Variants in TNFSF15 observed in about 807,000 individuals in gnomAD.
TNFSF15 encodes TNF superfamily member 15.
In TNFSF15, 15 loss-of-function variants were observed where a neutral mutation model predicts 26.4. The observed-to-expected ratio is 0.57, with a 90% confidence interval of 0.38 to 0.87. TNFSF15 has a LOEUF of 0.87. TNFSF15 is among the 40% of genes least tolerant of loss of function. The pLI, the probability that TNFSF15 is intolerant of heterozygous loss-of-function variation, is 0.00. For synonymous variants in TNFSF15, 116 were observed against 115.0 expected (o/e 1.01, Z -0.06); for missense variants, 290 against 306.1 (o/e 0.95, Z 0.39).
At position 114,793,520 on chromosome 9, in the gene TNFSF15, A is replaced by G. The variant is rs760345263; in HGVS notation, c.253+6T>C. ...GAGGAAAGGCGTTGAAGATGAGCAT[A>G]CTTACAAACTTGCTGATGTGAAGGT... On this transcript the variant is annotated splice_donor_region_variant and intron_variant, in intron 2 of 3. Transcript: ENST00000374045. The G allele has an allele frequency of 1.2e-6, 2 of 1,613,680 alleles. No homozygotes were observed. The highest frequency in any genetic ancestry group is 2.7e-5 in the African/African-American group (2 of 74,906).
chr9:114,798,196 A>G (rs1829696829), intron 1 of TNFSF15, among the ~76,000 whole-genome samples: 1 of 152,210 alleles, frequency 6.6e-6, no homozygotes, highest in Non-Finnish European at 1.5e-5. Context: ...AGGCTTAGCC[A>G]GGAGCCAGAG....
At chr9:114,802,030 T>C (rs1829755552) in intron 1 of TNFSF15, among the ~76,000 whole-genome samples, 1 of 152,230 alleles carries the variant, frequency 6.6e-6, no homozygotes, top group Admixed American at 6.5e-5. Flanking sequence ...TTATATATGC[T>C]GTTAACGCAC....
chr9:114,790,634 T>C lies in TNFSF15; in HGVS notation c.574A>G (p.Thr192Ala). ...TKVTDSYPEP[T>A]QLLMGTKSVC... Reference sequence around the variant, plus strand: ...GACTTGGTCCCCATGAGGAGCTGGGTTGGCTCAGGGTAGCTGTCTGTTACC... The same window carrying C: ...GACTTGGTCCCCATGAGGAGCTGGGCTGGCTCAGGGTAGCTGTCTGTTACC... Residue 192 changes from threonine to alanine, a missense_variant, in exon 4 of 4, where the codon ACC becomes GCC. By Grantham distance (58) the Thr-to-Ala change is moderately conservative (BLOSUM62 0). This residue lies in a region of TNFSF15 where 102 missense variants were observed against 114.7 expected (regional missense o/e 0.89). Transcript: ENST00000374045. 1.2e-6 allele frequency: 2 copies of C among 1,614,072 alleles called. No homozygotes were observed. Among genetic ancestry groups the C allele is most frequent in the Non-Finnish European group, 1.7e-6 (2 of 1,180,002 alleles).
chr9:114,786,484 T>G lies in TNFSF15; in HGVS notation c.*3968A>C, dbSNP rs1418484925. ...ACCAGCACAGAGGCGGAATTTCCTC[T>G]GGGGTGATGAGAACTGAATAGTTTA... On this transcript the variant is annotated 3_prime_UTR_variant, in exon 4 of 4. Transcript: ENST00000374045. 6.6e-6 allele frequency: 1 copy of G among 152,194 alleles called. No homozygotes were observed. 9.4% of individuals were successfully genotyped at this position (152,194 alleles called of 1,614,324 possible).
At position 114,790,308 on chromosome 9, in the gene TNFSF15, C is replaced by T; in HGVS notation, c.*144G>A. ...ACATGAAGTGTGAAATTTTGGGCCC[C>T]AAATTTCATAGCTAAACCGTTGTCC... On this transcript the variant is annotated 3_prime_UTR_variant, in exon 4 of 4. Coordinates refer to ENST00000374045, the MANE Select transcript of TNFSF15 (RefSeq NM_005118.4). The T allele has an allele frequency of 2.4e-6, 2 of 828,328 alleles. No individual in the cohort carries two copies. The highest frequency in any genetic ancestry group is 3.7e-6 in the Non-Finnish European group (2 of 537,216). The allele number at this position is 828,328 out of a possible 1,614,324, so 51.3% of individuals were successfully genotyped here. A position where few individuals can be genotyped will look rare whatever the true frequency, so the allele number is the denominator to read the frequency against.
rs1469199435 is a variant in TNFSF15 at position 114,786,478 on chromosome 9, T to A, written c.*3974A>T. 6.6e-6 allele frequency: 1 copy of A among 152,196 alleles called. No individual in the cohort carries two copies. Among genetic ancestry groups the A allele is most frequent in the African/African-American group, 2.4e-5 (1 of 41,456 alleles). 9.4% of individuals were successfully genotyped at this position (152,196 alleles called of 1,614,324 possible). ...TTACTGACCAGCACAGAGGCGGAATTTCCTCTGGGGTGATGAGAACTGAAT... is the reference window on the plus strand; with the variant it reads ...TTACTGACCAGCACAGAGGCGGAATATCCTCTGGGGTGATGAGAACTGAAT... On this transcript the variant is annotated 3_prime_UTR_variant, in exon 4 of 4. Coordinates refer to ENST00000374045, the MANE Select transcript of TNFSF15 (RefSeq NM_005118.4).
At chr9:114,794,181 C>CT (rs1322485962) in intron 1 of TNFSF15, among the ~76,000 whole-genome samples, 13 of 152,150 alleles carry the variant, frequency 8.5e-5, no homozygotes, top group African/African-American at 3.1e-4. Flanking sequence ...CTTGACAAGA[C>CT]TTTTTCTCTC....
chr9:114,803,099 C>A (rs763782469), intron 1 of TNFSF15, among the ~76,000 whole-genome samples: 2 of 152,086 alleles, frequency 1.3e-5, no homozygotes, highest in Non-Finnish European at 2.9e-5. Context: ...AGCCCAGGTG[C>A]CTTCCTTCCC....
Position 114,791,072 on chromosome 9 carries a change from C to T in TNFSF15, c.302-166G>A. ...TGAAGAATATGTGACTGGACATACA[C>T]ATTTGTTCAAAGAGAATAACATCTT... On this transcript the variant is annotated intron_variant, in intron 3 of 3. Coordinates refer to ENST00000374045, the MANE Select transcript of TNFSF15 (RefSeq NM_005118.4). 10 of 670,552 alleles carry T rather than the reference C, an allele frequency of 1.5e-5. No homozygotes were observed. In the South Asian group the frequency reaches 1.7e-4, roughly 12 times the overall value. The allele number at this position is 670,552 out of a possible 1,614,324, so 41.5% of individuals were successfully genotyped here.
intron 1 of TNFSF15, among the ~76,000 whole-genome samples, chr9:114,794,773 A>G (rs533473900): frequency 7.4e-4 from 112 of 152,318 alleles, no homozygotes; most frequent in African/African-American, 2.7e-3. Flanking sequence ...TAAACCAGAC[A>G]CACAAAGACA....
At chr9:114,800,846 T>C (rs1829737486) in intron 1 of TNFSF15, among the ~76,000 whole-genome samples, 3 of 152,210 alleles carry the variant, frequency 2.0e-5, no homozygotes, top group Admixed American at 1.3e-4. Flanking sequence ...GGTGGAGCCA[T>C]GGCTTTTCCT....
Position 114,786,462 on chromosome 9 carries a change from A to G in TNFSF15, c.*3990T>C, listed in dbSNP as rs886663660. ...TTATAATCCAGGGGGATTACTGACC[A>G]GCACAGAGGCGGAATTTCCTCTGGG... On this transcript the variant is annotated 3_prime_UTR_variant, in exon 4 of 4. Coordinates refer to ENST00000374045, the MANE Select transcript of TNFSF15 (RefSeq NM_005118.4). The G allele has an allele frequency of 6.6e-6, 1 of 152,234 alleles. No homozygotes were observed. The highest frequency in any genetic ancestry group is 1.5e-5 in the Non-Finnish European group (1 of 68,044). 9.4% of individuals were successfully genotyped at this position (152,234 alleles called of 1,614,324 possible). A position where few individuals can be genotyped will look rare whatever the true frequency, so the allele number is the denominator to read the frequency against.
In TNFSF15 at chr9:114,799,593, C is replaced by T. The variant is rs991976303; in HGVS notation, c.211-6025G>A. ...AAATAGATTGAGGGAATGGAATTTA[C>T]GCCCCACCCACTTCACATCCCCAGC... is the stretch of plus-strand genomic sequence containing the variant. On this transcript the variant is annotated intron_variant, in intron 1 of 3. Transcript: ENST00000374045. Among the ~76,000 whole-genome samples, 3 of 152,206 alleles carry T rather than the reference C, an allele frequency of 2.0e-5. No individual in the cohort carries two copies. The South Asian group carries it at 6.2e-4, about 32-fold the overall frequency.
intron 1 of TNFSF15, among the ~76,000 whole-genome samples, chr9:114,803,925 G>C (rs942534125): frequency 1.3e-5 from 2 of 152,108 alleles, no homozygotes; most frequent in Admixed American, 6.6e-5. Flanking sequence ...CCTTCAATCC[G>C]TCTGCATCTC....
chr9:114,788,652 C>G lies in TNFSF15; in HGVS notation c.*1800G>C, dbSNP rs1280922991. 6.6e-6 allele frequency: 1 copy of G among 152,102 alleles called. No homozygotes were observed. The highest frequency in any genetic ancestry group is 1.5e-5 in the Non-Finnish European group (1 of 68,034). The allele number at this position is 152,102 out of a possible 1,614,324, so 9.4% of individuals were successfully genotyped here. On this transcript the variant is annotated 3_prime_UTR_variant, in exon 4 of 4. Transcript: ENST00000374045. ...CCTCTCAGACTCATCCATGAGGTCTCCCAGGATAGGAAGCATTTATAATAC... is the reference window on the plus strand; with the variant it reads ...CCTCTCAGACTCATCCATGAGGTCTGCCAGGATAGGAAGCATTTATAATAC...
intron 1 of TNFSF15, among the ~76,000 whole-genome samples, chr9:114,793,838 T>C (rs1410722834): frequency 6.6e-6 from 1 of 152,262 alleles, no homozygotes; most frequent in Non-Finnish European, 1.5e-5. Context: ...AGAGATTTTC[T>C]CGTTCTATTC....
At chr9:114,805,462 CTT>C (rs1289799689) in intron 1 of TNFSF15, among the ~76,000 whole-genome samples, 5 of 152,058 alleles carry the variant, frequency 3.3e-5, no homozygotes, top group Non-Finnish European at 7.4e-5. Context: ...TATTTTCTAA[CTT>C]TTTTCAATGA....
At chr9:114,803,710 C>T (rs765766443) in intron 1 of TNFSF15, among the ~76,000 whole-genome samples, 1 of 152,214 alleles carries the variant, frequency 6.6e-6, no homozygotes, top group East Asian at 1.9e-4. Context: ...TCAGCATTCC[C>T]TCCTTCCTTC....
chr9:114,801,516 A>C (rs898930857), intron 1 of TNFSF15, among the ~76,000 whole-genome samples: 1 of 152,202 alleles, frequency 6.6e-6, no homozygotes, highest in African/African-American at 2.4e-5. Context: ...CAGGTGAAGA[A>C]GTTGTCTTCT....
Sources: allele counts gnomAD v4.1 joint callset (sites outside exome capture counted in the v4.1 genomes callset), GRCh38; gene constraint gnomAD v4.1.1; regional missense constraint gnomAD v4.1.1; transcripts MANE v1.5; gene names NCBI Gene and HGNC (gene_info 2026-07-23, HGNC 2026-07-21).